The following GTPBP10 variants were observed in gnomAD, a reference collection of about 807,000 sequenced individuals.
GTPBP10 encodes GTP binding protein 10.
GTPBP10 carries 38 observed loss-of-function variants against 44.8 expected under a neutral mutation model. The observed-to-expected ratio is 0.85, with a 90% CI of 0.65 to 1.11. The LOEUF (loss-of-function observed/expected upper bound fraction) is 1.11, where lower values mean the gene tolerates loss of function less well. Ranked by LOEUF, GTPBP10 falls within the 50% of genes most tolerant of loss-of-function variation. GTPBP10 has a pLI of 0.00. For missense variants in GTPBP10, 462 were observed against 453.7 expected (o/e 1.02, Z -0.17); for synonymous variants, 152 against 150.6 (o/e 1.01, Z -0.07).
In GTPBP10 at chr7:90,363,798, A is replaced by C. The variant is rs890012689; in HGVS notation, c.465-8357A>C. Among the ~76,000 whole-genome samples the C allele has an allele frequency of 2.6e-5, 4 of 152,036 alleles. No individual in the cohort carries two copies. The East Asian group carries it at 7.7e-4, about 29-fold the overall frequency. On this transcript the variant is annotated intron_variant, in intron 4 of 9. Coordinates refer to ENST00000222511, the MANE Select transcript of GTPBP10 (RefSeq NM_033107.4). Reference sequence around the variant, plus strand: ...AATCAGACGTAGATTTGGTCTTTTCACATAGTCCCATATTTCTTGGAGGCT... The same window carrying C: ...AATCAGACGTAGATTTGGTCTTTTCCCATAGTCCCATATTTCTTGGAGGCT...
Position 90,352,812 on chromosome 7 carries a change from T to G in GTPBP10, c.34-4T>G. Reference sequence around the variant, plus strand: ...ACAAATATTCTTTCTCTTTTTTTTTTAAGTATGGAAATTTCATCGATAAGC... The same window carrying G: ...ACAAATATTCTTTCTCTTTTTTTTTGAAGTATGGAAATTTCATCGATAAGC... On this transcript the variant is annotated splice_region_variant and splice_polypyrimidine_tract_variant and intron_variant, in intron 1 of 9. Transcript: ENST00000222511. 6.3e-7 allele frequency: 1 copy of G among 1,580,022 alleles called. No homozygotes were observed. The highest frequency in any genetic ancestry group is 8.6e-7 in the Non-Finnish European group (1 of 1,165,212).
At chr7:90,346,994 G>T (rs1420173329) in intron 1 of GTPBP10, among the ~76,000 whole-genome samples, 2 of 152,208 alleles carry the variant, frequency 1.3e-5, no homozygotes, top group African/African-American at 4.8e-5. Flanking sequence ...CAGGGGCAGG[G>T]TTTGAAGTTC....
rs2115800954 is a variant in GTPBP10 at position 90,387,155 on chromosome 7, G to A, written c.*2001G>A. The A allele has an allele frequency of 6.6e-6, 1 of 152,150 alleles. No homozygotes were observed. The highest frequency in any genetic ancestry group is 3.4e-3 in the Middle Eastern group (1 of 294). The allele number at this position is 152,150 out of a possible 1,614,324, so 9.4% of individuals were successfully genotyped here. The stretch of plus-strand genomic sequence containing the variant: ...AGTTCAAGACCAGCCTGGCCAACAT[G>A]GTGAAAACCCATCTCTACTAAAATA... On this transcript the variant is annotated 3_prime_UTR_variant, in exon 10 of 10. Coordinates refer to ENST00000222511, the MANE Select transcript of GTPBP10 (RefSeq NM_033107.4).
chr7:90,356,637 T>A (rs533091263), intron 4 of GTPBP10, among the ~76,000 whole-genome samples: 1 of 152,332 alleles, frequency 6.6e-6, no homozygotes, highest in South Asian at 2.1e-4. Flanking sequence ...CTCTTCTTTT[T>A]TTCTTTTCTT....
intron 4 of GTPBP10, among the ~76,000 whole-genome samples, chr7:90,357,988 G>T (rs951002672): frequency 6.6e-6 from 1 of 152,090 alleles, no homozygotes; most frequent in Admixed American, 6.6e-5. Flanking sequence ...AAAGAAGGAA[G>T]TCAAACTATC....
intron 7 of GTPBP10, 96 bp downstream of exon 7, chr7:90,377,710 A>G (rs1335799385): frequency 1.6e-5 from 12 of 750,218 alleles, no homozygotes; most frequent in Non-Finnish European, 2.6e-5. Flanking sequence ...AAGTGGTAGC[A>G]TATGTTACTC....
rs144277511 is a variant in GTPBP10 at position 90,360,876 on chromosome 7, C to G, written c.464+5646C>G. On this transcript the variant is annotated intron_variant, in intron 4 of 9. Transcript: ENST00000222511. ...CATCCCTTGTAAGTTGGATTCCTAG[C>G]TATTTTATTCTCTTTGAAGCAATTG... 7.6e-3 allele frequency among the ~76,000 whole-genome samples: 1,151 copies of G among 152,122 alleles called. 15 individuals are homozygous for G. The highest frequency in any genetic ancestry group is 0.026 in the African/African-American group (1,075 of 41,504).
At chr7:90,353,751 G>GT (rs949190181) in intron 2 of GTPBP10, among the ~76,000 whole-genome samples, 4 of 151,414 alleles carry the variant, frequency 2.6e-5, no homozygotes, top group African/African-American at 9.7e-5. Context: ...CTTCTATAAT[G>GT]TAAGTACTCT....
At chr7:90,354,391 T>C in intron 2 of GTPBP10, 67 bp from the exon 3 acceptor site, 1 of 640,158 alleles carries the variant, frequency 1.6e-6, no homozygotes, top group Non-Finnish European at 2.5e-6. Context: ...AACCATTTTG[T>C]GTGTATGTGT....
intron 4 of GTPBP10, among the ~76,000 whole-genome samples, chr7:90,356,166 A>T (rs1224525198): frequency 6.6e-6 from 1 of 152,034 alleles, no homozygotes; most frequent in African/African-American, 2.4e-5. Flanking sequence ...CCAGACTCTT[A>T]AGTCTGTATC....
intron 5 of GTPBP10, among the ~76,000 whole-genome samples, chr7:90,372,441 T>C (rs1372561022): frequency 1.3e-5 from 2 of 149,846 alleles, no homozygotes; most frequent in Admixed American, 1.3e-4. Flanking sequence ...CAGCCTCCCA[T>C]GTAGATGGGA....
chr7:90,365,676 G>A (rs1017327687), intron 4 of GTPBP10, among the ~76,000 whole-genome samples: 5 of 152,148 alleles, frequency 3.3e-5, no homozygotes, highest in East Asian at 3.9e-4. Flanking sequence ...GCGCCCGGCC[G>A]GGGTTTTCTA....
intron 8 of GTPBP10, 25 bp downstream of exon 8, chr7:90,378,236 C>A (rs760556036): frequency 6.3e-7 from 1 of 1,590,210 alleles, no homozygotes. Flanking sequence ...TTACTGTGTT[C>A]TGTATTTGGT....
At chr7:90,369,279 T>C (rs1315590891) in intron 4 of GTPBP10, among the ~76,000 whole-genome samples, 1 of 152,156 alleles carries the variant, frequency 6.6e-6, no homozygotes, top group African/African-American at 2.4e-5. Context: ...AGGCAGTCTG[T>C]CCCTTCTCAG....
At chr7:90,383,457 TA>T (rs1283554927) in intron 9 of GTPBP10, among the ~76,000 whole-genome samples, 1 of 152,194 alleles carries the variant, frequency 6.6e-6, no homozygotes, top group Non-Finnish European at 1.5e-5. Flanking sequence ...TCTAGTACTG[TA>T]CATCATAAAA....
At chr7:90,369,006 G>T (rs1001133187) in intron 4 of GTPBP10, among the ~76,000 whole-genome samples, 1 of 152,188 alleles carries the variant, frequency 6.6e-6, no homozygotes, top group Admixed American at 6.5e-5. Flanking sequence ...TGATGTTGAT[G>T]CTATTCCTTT....
At chr7:90,348,714 G>T (rs1795731130) in intron 1 of GTPBP10, among the ~76,000 whole-genome samples, 1 of 148,198 alleles carries the variant, frequency 6.7e-6, no homozygotes. Flanking sequence ...CATAATTTCT[G>T]TCATGCTTTT....
At chr7:90,369,058 G>T (rs1221475806) in intron 4 of GTPBP10, among the ~76,000 whole-genome samples, 2 of 152,202 alleles carry the variant, frequency 1.3e-5, no homozygotes, top group Non-Finnish European at 2.9e-5. Context: ...CTTCTTCGCT[G>T]CAGGTCTTTT....
At chr7:90,378,408 C>G in intron 8 of GTPBP10, 197 bp downstream of exon 8, 1 of 286,634 alleles carries the variant, frequency 3.5e-6, no homozygotes, top group Non-Finnish European at 5.2e-6. Context: ...ATAAAACACT[C>G]CTGGGCTTCC....
Sources: allele counts gnomAD v4.1 joint callset (sites outside exome capture counted in the v4.1 genomes callset), GRCh38; gene constraint gnomAD v4.1.1; transcripts MANE v1.5; gene names NCBI Gene and HGNC (gene_info 2026-07-23, HGNC 2026-07-21).